SYT10: variants seen among roughly 807,000 people sequenced by gnomAD.
SYT10 encodes synaptotagmin-10.
A neutral mutation model predicts 51.1 loss-of-function variants in SYT10; 31 were observed. That is an observed-to-expected ratio of 0.61 (90% confidence interval 0.46 to 0.82). SYT10 has a LOEUF of 0.82. Among genes scored for constraint, SYT10 ranks in the 40% least tolerant of loss-of-function variants. The pLI is 0.00. For missense variants in SYT10, 603 were observed against 634.0 expected (o/e 0.95, Z 0.53); for synonymous variants, 233 against 225.9 (o/e 1.03, Z -0.28).
At chr12:33,396,551 G>T (rs1240235939) in intron 3 of SYT10, among the ~76,000 whole-genome samples, 1 of 152,052 alleles carries the variant, frequency 6.6e-6, no homozygotes, top group African/African-American at 2.4e-5. Flanking sequence ...ATAAAAATAT[G>T]TTTTGGAACC....
At chr12:33,383,447 T>G (rs1866132728) in intron 4 of SYT10, among the ~76,000 whole-genome samples, 1 of 152,332 alleles carries the variant, frequency 6.6e-6, no homozygotes, top group Non-Finnish European at 1.5e-5. Flanking sequence ...TCTTGAAATA[T>G]GTATCTGTGT....
At chr12:33,388,079 T>A (rs1396908508) in intron 3 of SYT10, among the ~76,000 whole-genome samples, 1 of 151,688 alleles carries the variant, frequency 6.6e-6, no homozygotes, top group Non-Finnish European at 1.5e-5. Flanking sequence ...GTAAGTTTAG[T>A]GAAGACAGCA....
At position 33,406,865 on chromosome 12, in the gene SYT10, A is replaced by G. The variant is rs373995269; in HGVS notation, c.1001T>C (p.Ile334Thr). 14 of 1,613,952 alleles carry G rather than the reference A, an allele frequency of 8.7e-6. No homozygotes were observed. In the African/African-American group the frequency reaches 1.7e-4, roughly 20 times the overall value. The change falls in exon 3 of 7, where the codon ATT (isoleucine) becomes ACT (threonine). Residue 334 changes from isoleucine (I) to threonine (T), a missense_variant. Physicochemically the swap from Ile to Thr is moderately conservative, Grantham distance 89 (BLOSUM62 -1). Transcript: ENST00000228567. ...AGAGACTTCAAACAAATTATCAAGAATCACTTCCCCAATCATGTCATGTCT... is the reference window on the plus strand; with the variant it reads ...AGAGACTTCAAACAAATTATCAAGAGTCACTTCCCCAATCATGTCATGTCT... ...FSRHDMIGEV[I>T]LDNLFEVSDL...
At chr12:33,382,648 A>G (rs1346410377) in intron 4 of SYT10, 128 bp from the exon 5 acceptor site, 6 of 785,820 alleles carry the variant, frequency 7.6e-6, no homozygotes, top group Non-Finnish European at 1.1e-5. Context: ...AGTATTACCA[A>G]TTTTAAATTT....
intron 1 of SYT10, among the ~76,000 whole-genome samples, chr12:33,436,600 T>C (rs908165542): frequency 5.3e-5 from 8 of 152,178 alleles, no homozygotes; most frequent in African/African-American, 1.9e-4. Context: ...CTGCTTCTGC[T>C]ACTGCTGATA....
Position 33,375,919 on chromosome 12 carries a change from A to G in SYT10, c.*911T>C, listed in dbSNP as rs1219125787. The stretch of plus-strand genomic sequence containing the variant: ...ATGGTCTATCAGAAATACAGGATCT[A>G]TATGATAGCTTCAAGTCACAAAAAA... On this transcript the variant is annotated 3_prime_UTR_variant, in exon 7 of 7. Transcript: ENST00000228567. 1 of 152,576 alleles carries G rather than the reference A, an allele frequency of 6.6e-6. No individual in the cohort carries two copies. Among genetic ancestry groups the G allele is most frequent in the Non-Finnish European group, 1.5e-5 (1 of 68,016 alleles). The allele number at this position is 152,576 out of a possible 1,614,324, so 9.5% of individuals were successfully genotyped here. A position where few individuals can be genotyped will look rare whatever the true frequency, so the allele number is the denominator to read the frequency against.
At chr12:33,407,528 T>C (rs1866369687) in intron 2 of SYT10, among the ~76,000 whole-genome samples, 172 bp from the exon 3 acceptor site, 1 of 152,196 alleles carries the variant, frequency 6.6e-6, no homozygotes, top group Non-Finnish European at 1.5e-5. Flanking sequence ...AATAAAGAAG[T>C]ACAATATTCA....
chr12:33,410,220 G>A (rs377230981), intron 2 of SYT10, among the ~76,000 whole-genome samples: 5 of 152,244 alleles, frequency 3.3e-5, no homozygotes, highest in East Asian at 3.9e-4. Context: ...TGTTTACAAC[G>A]CAGTATCAAT....
rs577235444 is a variant in SYT10, at chr12:33,389,256, G to C, written c.1078-3965C>G. 3.9e-5 allele frequency among the ~76,000 whole-genome samples: 6 copies of C among 152,220 alleles called. No homozygotes were observed. The South Asian group carries it at 1.2e-3, about 32-fold the overall frequency. On this transcript the variant is annotated intron_variant, in intron 3 of 6. Coordinates refer to ENST00000228567, the MANE Select transcript of SYT10 (RefSeq NM_198992.4). ...GAAAGGGTGGGAGCTTGGCAGAGTG[G>C]AAAGGGCGTAGGTTCCTGGGTCAAA...
intron 6 of SYT10, among the ~76,000 whole-genome samples, chr12:33,377,608 C>A (rs1866074139): frequency 6.9e-6 from 1 of 144,570 alleles, no homozygotes; most frequent in South Asian, 2.2e-4. Context: ...ATAAAAGGAA[C>A]CTGATTTTCT....
intron 1 of SYT10, among the ~76,000 whole-genome samples, chr12:33,428,068 T>C (rs1199396474): frequency 1.3e-5 from 2 of 152,198 alleles, no homozygotes; most frequent in Non-Finnish European, 2.9e-5. Flanking sequence ...TGTGAGAGAC[T>C]AGTGGTTCTG....
chr12:33,376,449 A>G lies in SYT10; in HGVS notation c.*381T>C. The G allele has an allele frequency of 5.5e-6, 1 of 182,526 alleles. No homozygotes were observed. Among genetic ancestry groups the G allele is most frequent in the Non-Finnish European group, 1.2e-5 (1 of 85,542 alleles). The allele number at this position is 182,526 out of a possible 1,614,324, so 11.3% of individuals were successfully genotyped here. ...CTAGAAATGAACACAGTATAACAAA[A>G]TCAAACCCATACATATATGACATGT... On this transcript the variant is annotated 3_prime_UTR_variant, in exon 7 of 7. Transcript: ENST00000228567.
At chr12:33,413,495 C>T (rs1866425869) in intron 2 of SYT10, among the ~76,000 whole-genome samples, 1 of 152,174 alleles carries the variant, frequency 6.6e-6, no homozygotes, top group Non-Finnish European at 1.5e-5. Flanking sequence ...TCGGCAGAAA[C>T]TCTACAAGCC....
Position 33,376,660 on chromosome 12 carries a change from G to T in SYT10, c.*170C>A. The T allele has an allele frequency of 2.9e-6, 2 of 695,178 alleles. No homozygotes were observed. Among genetic ancestry groups the T allele is most frequent in the Non-Finnish European group, 4.7e-6 (2 of 422,044 alleles). 43.1% of individuals were successfully genotyped at this position (695,178 alleles called of 1,614,324 possible). A position where few individuals can be genotyped will look rare whatever the true frequency, so the allele number is the denominator to read the frequency against. On this transcript the variant is annotated 3_prime_UTR_variant, in exon 7 of 7. Transcript: ENST00000228567. ...TATATGTATTCAAGTAAAATGTATT[G>T]ATGTTCAAAGTTAAAAAATCAACAA...
chr12:33,378,589 T>A (rs948239821), intron 6 of SYT10, among the ~76,000 whole-genome samples: 3 of 152,206 alleles, frequency 2.0e-5, no homozygotes, highest in African/African-American at 7.2e-5. Flanking sequence ...CTGCCCAACA[T>A]GGCTTTACTC....
chr12:33,388,929 A>G (rs563205578), intron 3 of SYT10, among the ~76,000 whole-genome samples: 46 of 152,316 alleles, frequency 3.0e-4, no homozygotes, highest in African/African-American at 1.1e-3. Flanking sequence ...AGTAAAATCA[A>G]GCTGTAGCAA....
chr12:33,376,631 G>A lies in SYT10; in HGVS notation c.*199C>T, dbSNP rs989410179. 9 of 591,968 alleles carry A rather than the reference G, an allele frequency of 1.5e-5. No individual in the cohort carries two copies. The highest frequency in any genetic ancestry group is 9.3e-5 in the African/African-American group (5 of 53,734). 36.7% of individuals were successfully genotyped at this position (591,968 alleles called of 1,614,324 possible). A position where few individuals can be genotyped will look rare whatever the true frequency, so the allele number is the denominator to read the frequency against. The stretch of plus-strand genomic sequence containing the variant: ...AGGATAAAATGCCTTATGCAACTAA[G>A]GACTATATGTATTCAAGTAAAATGT... On this transcript the variant is annotated 3_prime_UTR_variant, in exon 7 of 7. Coordinates refer to ENST00000228567, the MANE Select transcript of SYT10 (RefSeq NM_198992.4).
chr12:33,433,777 C>A (rs1866615995), intron 1 of SYT10, among the ~76,000 whole-genome samples: 1 of 152,096 alleles, frequency 6.6e-6, no homozygotes, highest in South Asian at 2.1e-4. Flanking sequence ...GTAATTATAG[C>A]CAATAATGTA....
chr12:33,416,821 A>G (rs1364867196), intron 2 of SYT10, among the ~76,000 whole-genome samples: 2 of 152,172 alleles, frequency 1.3e-5, no homozygotes, highest in Non-Finnish European at 2.9e-5. Context: ...AGAGAGGGAG[A>G]AATAATAATG....
Sources: allele counts gnomAD v4.1 joint callset (sites outside exome capture counted in the v4.1 genomes callset), GRCh38; gene constraint gnomAD v4.1.1; transcripts MANE v1.5; gene names NCBI Gene and HGNC (gene_info 2026-07-23, HGNC 2026-07-21).